The following MALRD1 variants were observed in gnomAD, a reference collection of about 807,000 sequenced individuals.
MALRD1 encodes the protein MAM and LDL-receptor class A domain-containing protein 1.
Under a neutral mutation model 242.1 loss-of-function variants are expected in MALRD1, and 247 were observed. The ratio of observed to expected loss-of-function variants is 1.02; its 90% confidence interval spans 0.92 to 1.13. The LOEUF (loss-of-function observed/expected upper bound fraction) is 1.13, where lower values mean the gene tolerates loss of function less well. Among genes scored for constraint, MALRD1 ranks in the 50% most tolerant of loss-of-function variants. MALRD1 has a pLI of 0.00. For synonymous variants in MALRD1, 995 were observed against 866.6 expected, an observed-to-expected ratio of 1.15 and a Z score of -2.60; for missense variants, 2,989 against 2,533.1, an observed-to-expected ratio of 1.18 and a Z score of -3.86.
intron 4 of MALRD1, among the ~76,000 whole-genome samples, chr10:19,088,632 T>C (rs1458847844): frequency 1.7e-5 from 2 of 115,224 alleles, no homozygotes; most frequent in East Asian, 5.0e-4. Context: ...CATGTGCACA[T>C]TGTGCAGGTT....
In MALRD1 at chr10:19,269,514, G is replaced by C. The variant is rs190517287; in HGVS notation, c.3080-10533G>C. Among the ~76,000 whole-genome samples, 24 of 152,352 alleles carry C rather than the reference G, an allele frequency of 1.6e-4. No individual in the cohort carries two copies. In the East Asian group the frequency reaches 4.6e-3, roughly 29 times the overall value. ...GTCTAAACAATGTGTGAGGACCAGAGAGTCCGTCAGGAATCCTGCAGTCCT... is the reference window on the plus strand; with the variant it reads ...GTCTAAACAATGTGTGAGGACCAGACAGTCCGTCAGGAATCCTGCAGTCCT... On this transcript the variant is annotated intron_variant, in intron 19 of 39. Transcript: ENST00000454679.
chr10:19,047,207 C>T (rs1834358522), upstream of MALRD1, among the ~76,000 whole-genome samples: 1 of 152,036 alleles, frequency 6.6e-6, no homozygotes, highest in Non-Finnish European at 1.5e-5. Flanking sequence ...TGAGAGTAGT[C>T]CAGGAACAAT....
intron 29 of MALRD1, among the ~76,000 whole-genome samples, chr10:19,478,519 C>G (rs565829092): frequency 6.6e-6 from 1 of 151,994 alleles, no homozygotes; most frequent in Non-Finnish European, 1.5e-5. Flanking sequence ...AAATTCAGCA[C>G]GTGAAAAGGT....
At chr10:19,626,746 A>G (rs1310690851) in intron 36 of MALRD1, among the ~76,000 whole-genome samples, 1 of 152,064 alleles carries the variant, frequency 6.6e-6, no homozygotes, top group Non-Finnish European at 1.5e-5. Flanking sequence ...AAAAAAATGA[A>G]CAAACCACTT....
intron 2 of MALRD1, among the ~76,000 whole-genome samples, chr10:19,085,077 G>A (rs1285533346): frequency 2.0e-5 from 3 of 151,884 alleles, no homozygotes. Flanking sequence ...TTACTAGGCT[G>A]CTAAAGGAAG....
chr10:19,110,728 C>A (rs1308418559), intron 5 of MALRD1, among the ~76,000 whole-genome samples: 1 of 152,116 alleles, frequency 6.6e-6, no homozygotes, highest in African/African-American at 2.4e-5. Context: ...TTTAATGAGA[C>A]ATCTGGTTCT....
intron 36 of MALRD1, among the ~76,000 whole-genome samples, chr10:19,652,735 C>G (rs138604442): frequency 6.6e-6 from 1 of 152,160 alleles, no homozygotes; most frequent in Non-Finnish European, 1.5e-5. Flanking sequence ...TTACCTAACT[C>G]TTTATATAAA....
intron 19 of MALRD1, among the ~76,000 whole-genome samples, chr10:19,274,350 T>A (rs1393116978): frequency 1.3e-5 from 2 of 152,182 alleles, no homozygotes; most frequent in Non-Finnish European, 2.9e-5. Flanking sequence ...ACTGAACGTA[T>A]TTTCCCAAAA....
chr10:19,174,608 A>G (rs1208248588), intron 13 of MALRD1, among the ~76,000 whole-genome samples: 1 of 152,132 alleles, frequency 6.6e-6, no homozygotes. Flanking sequence ...TTAACAAGAA[A>G]GAAAACAAAT....
rs547152579 is a variant in MALRD1 at position 19,172,207 on chromosome 10, G to A, written c.1831-3001G>A. 4.5e-4 allele frequency among the ~76,000 whole-genome samples: 66 copies of A among 145,232 alleles called. 1 individual carries two copies. The South Asian group carries it at 0.012, about 26-fold the overall frequency. On this transcript the variant is annotated intron_variant, in intron 13 of 39. Coordinates refer to ENST00000454679, the MANE Select transcript of MALRD1 (RefSeq NM_001142308.3). ...TATACATATATACACATATATATAT[G>A]TATATGTATATGTATATATCAGTTT...
chr10:19,227,297 A>G (rs1027650303), intron 18 of MALRD1, among the ~76,000 whole-genome samples: 5 of 152,088 alleles, frequency 3.3e-5, no homozygotes, highest in African/African-American at 7.2e-5. Flanking sequence ...GAAGACATAT[A>G]TATCAGTGAA....
At chr10:19,542,889 G>A (rs1305512362) in intron 32 of MALRD1, among the ~76,000 whole-genome samples, 2 of 152,022 alleles carry the variant, frequency 1.3e-5, no homozygotes, top group African/African-American at 4.8e-5. Flanking sequence ...TTATGTTGTT[G>A]AATGCCTAAA....
In MALRD1 at chr10:19,372,472, A is replaced by AT. The variant is rs972733463; in HGVS notation, c.4442-15043dup. ...CATAGGCCTCTTGAAATAATATTTA[A>AT]TTTTTTTTTTTTTGCAAATGGAGTT... is the stretch of plus-strand genomic sequence containing the variant. On this transcript the variant is annotated intron_variant, in intron 26 of 39. Transcript: ENST00000454679. Among the ~76,000 whole-genome samples, 1,135 of 144,876 alleles carry AT rather than the reference A, an allele frequency of 7.8e-3. 13 individuals are homozygous for AT. The highest frequency in any genetic ancestry group is 0.024 in the African/African-American group (945 of 39,822).
chr10:19,063,693 A>C (rs1474024650), intron 1 of MALRD1, among the ~76,000 whole-genome samples: 1 of 151,410 alleles, frequency 6.6e-6, no homozygotes, highest in Non-Finnish European at 1.5e-5. Flanking sequence ...TCATTGTTGG[A>C]CATTTGGGTT....
chr10:19,577,778 A>G (rs991655121), intron 33 of MALRD1, among the ~76,000 whole-genome samples: 17 of 152,060 alleles, frequency 1.1e-4, no homozygotes, highest in African/African-American at 4.1e-4. Flanking sequence ...ATAAAACATA[A>G]CATGGTAACT....
chr10:19,358,865 A>G (rs1844764461), intron 26 of MALRD1, among the ~76,000 whole-genome samples: 1 of 152,076 alleles, frequency 6.6e-6, no homozygotes, highest in African/African-American at 2.4e-5. Flanking sequence ...TGTTCTATTC[A>G]CTGCTGAAAG....
intron 2 of MALRD1, among the ~76,000 whole-genome samples, chr10:19,069,805 C>A (rs750336892): frequency 6.7e-6 from 1 of 149,736 alleles, no homozygotes; most frequent in East Asian, 2.0e-4. Context: ...TTTCAAAATT[C>A]GGTCTTTATT....
At chr10:19,510,601 A>G (rs1270551007) in intron 31 of MALRD1, among the ~76,000 whole-genome samples, 1 of 152,254 alleles carries the variant, frequency 6.6e-6, no homozygotes, top group African/African-American at 2.4e-5. Context: ...TTGAGTCGAC[A>G]CAGCACATGT....
At chr10:19,053,866 T>A (rs1367812264) in intron 1 of MALRD1, among the ~76,000 whole-genome samples, 2 of 152,082 alleles carry the variant, frequency 1.3e-5, no homozygotes, top group South Asian at 4.1e-4. Context: ...TTTTTTAGAA[T>A]ATGTAAACCT....
Sources: allele counts gnomAD v4.1 joint callset (sites outside exome capture counted in the v4.1 genomes callset), GRCh38; gene constraint gnomAD v4.1.1; transcripts MANE v1.5; gene names NCBI Gene and HGNC (gene_info 2026-07-23, HGNC 2026-07-21).